The following TLN2 variants were observed in gnomAD, a reference collection of about 807,000 sequenced individuals.
TLN2 encodes talin 2.
TLN2 carries 118 observed loss-of-function variants against 294.7 expected under a neutral mutation model. The observed-to-expected ratio is 0.40, with a 90% CI of 0.34 to 0.47. The LOEUF (loss-of-function observed/expected upper bound fraction) is 0.47, where lower values mean the gene tolerates loss of function less well. Ranked by LOEUF, TLN2 falls within the 20% of genes least tolerant of loss-of-function variation. The pLI is 0.84. For missense variants in TLN2, 3,083 were observed against 3,282.2 expected (o/e 0.94, Z 1.48); for synonymous variants, 1,431 against 1,304.5 (o/e 1.10, Z -2.09).
chr15:62,780,329 G>A (rs1468051842), intron 43 of TLN2, among the ~76,000 whole-genome samples: 1 of 152,276 alleles, frequency 6.6e-6, no homozygotes, highest in South Asian at 2.1e-4. Flanking sequence ...CTTCATTATG[G>A]TCATTCTCTC....
chr15:62,402,686 C>T (rs1262663361), intron 1 of TLN2, among the ~76,000 whole-genome samples: 1 of 152,160 alleles, frequency 6.6e-6, no homozygotes, highest in East Asian at 1.9e-4. Flanking sequence ...ACTCTTGACA[C>T]TTTCAGGTCC....
intron 19 of TLN2, among the ~76,000 whole-genome samples, chr15:62,706,107 C>T (rs1020056847): frequency 6.6e-6 from 1 of 152,244 alleles, no homozygotes; most frequent in Non-Finnish European, 1.5e-5. Flanking sequence ...TCTTTATCAT[C>T]TGATGAATTA....
intron 9 of TLN2, among the ~76,000 whole-genome samples, chr15:62,661,931 A>G (rs2053888470): frequency 6.6e-6 from 1 of 152,206 alleles, no homozygotes; most frequent in Non-Finnish European, 1.5e-5. Flanking sequence ...GTGAACCTGT[A>G]TATGTGCCTA....
intron 52 of TLN2, among the ~76,000 whole-genome samples, chr15:62,812,706 T>C (rs2066788853): frequency 6.6e-6 from 1 of 152,178 alleles, no homozygotes; most frequent in African/African-American, 2.4e-5. Flanking sequence ...GCTCAAGTGC[T>C]TCCTTTCTTG....
At chr15:62,838,834 G>A (rs748094159) in intron 57 of TLN2, 22 bp from the exon 58 acceptor site, 1 of 1,607,178 alleles carries the variant, frequency 6.2e-7, no homozygotes, top group Non-Finnish European at 8.5e-7. Flanking sequence ...ATGATATAAT[G>A]TATGTTTTGT....
intron 1 of TLN2, among the ~76,000 whole-genome samples, chr15:62,471,124 G>A (rs2037449210): frequency 6.6e-6 from 1 of 152,132 alleles, no homozygotes; most frequent in African/African-American, 2.4e-5. Flanking sequence ...GCAGGAGGAT[G>A]GCTTGAGCCC....
intron 1 of TLN2, among the ~76,000 whole-genome samples, chr15:62,481,074 G>A (rs1306236118): frequency 6.6e-6 from 1 of 152,140 alleles, no homozygotes; most frequent in Non-Finnish European, 1.5e-5. Flanking sequence ...TTATTACCTT[G>A]TCTGAAATTA....
At chr15:62,517,218 C>G (rs1053872053) in intron 1 of TLN2, among the ~76,000 whole-genome samples, 1 of 152,196 alleles carries the variant, frequency 6.6e-6, no homozygotes, top group Admixed American at 6.5e-5. Context: ...TGCCTTTCAT[C>G]CTTTAGCCTC....
intron 22 of TLN2, 124 bp from the exon 23 acceptor site, chr15:62,716,207 T>A: frequency 8.5e-7 from 1 of 1,177,248 alleles, no homozygotes; most frequent in Non-Finnish European, 1.1e-6. Flanking sequence ...CATAAAGATA[T>A]TGCTTGTGGC....
At chr15:62,446,083 T>G (rs2035807921) in intron 1 of TLN2, among the ~76,000 whole-genome samples, 2 of 151,976 alleles carry the variant, frequency 1.3e-5, no homozygotes, top group African/African-American at 4.8e-5. Context: ...CTCCACTCAC[T>G]GCAAGCTCCG....
At chr15:62,410,702 C>T (rs2033722283) in intron 1 of TLN2, among the ~76,000 whole-genome samples, 1 of 152,198 alleles carries the variant, frequency 6.6e-6, no homozygotes, top group Non-Finnish European at 1.5e-5. Flanking sequence ...TTAGTCATTT[C>T]TTTCTTAGAA....
chr15:62,627,468 G>T (rs1423533101), intron 3 of TLN2, among the ~76,000 whole-genome samples: 2 of 152,200 alleles, frequency 1.3e-5, no homozygotes, highest in Middle Eastern at 3.2e-3. Flanking sequence ...CTTATATTCA[G>T]AATGGTAACA....
chr15:62,626,737 C>T (rs555931303), intron 3 of TLN2, among the ~76,000 whole-genome samples: 25 of 152,284 alleles, frequency 1.6e-4, no homozygotes, highest in African/African-American at 5.5e-4. Flanking sequence ...CAAGGACACA[C>T]AGCTCTTATT....
intron 11 of TLN2, among the ~76,000 whole-genome samples, chr15:62,679,709 T>C (rs111779470): frequency 8.7e-4 from 132 of 152,310 alleles, no homozygotes; most frequent in African/African-American, 2.8e-3. Flanking sequence ...ATAACAGTAA[T>C]ACAGAAAGGT....
intron 25 of TLN2, among the ~76,000 whole-genome samples, chr15:62,722,076 C>T (rs1195944925): frequency 2.6e-5 from 4 of 152,172 alleles, no homozygotes; most frequent in South Asian, 2.1e-4. Flanking sequence ...TCTTTGAAAT[C>T]GGTTTTAAAT....
At chr15:62,689,681 T>C (rs1350388902) in intron 12 of TLN2, among the ~76,000 whole-genome samples, 3 of 151,786 alleles carry the variant, frequency 2.0e-5, no homozygotes, top group African/African-American at 7.3e-5. Flanking sequence ...TCCTTTCTTT[T>C]AGTATCTGAA....
intron 1 of TLN2, among the ~76,000 whole-genome samples, chr15:62,476,040 A>G (rs557498657): frequency 1.4e-4 from 21 of 152,238 alleles, no homozygotes; most frequent in African/African-American, 5.1e-4. Context: ...AGGCCTGAGT[A>G]TTTCCAAGGA....
chr15:62,583,309 C>A (rs1051148264), intron 1 of TLN2, among the ~76,000 whole-genome samples: 1 of 152,062 alleles, frequency 6.6e-6, no homozygotes, highest in South Asian at 2.1e-4. Flanking sequence ...TTCCTTCCCC[C>A]AAAGGAGACC....
At chr15:62,443,212 T>G (rs912707034) in intron 1 of TLN2, among the ~76,000 whole-genome samples, 23 of 152,254 alleles carry the variant, frequency 1.5e-4, no homozygotes, top group Non-Finnish European at 4.4e-5. Context: ...TTCAGACTAC[T>G]GTAGTTATAA....
Sources: gnomAD v4.1 joint callset for allele counts (sites outside exome capture counted in the v4.1 genomes callset) on GRCh38, gnomAD v4.1.1 for gene constraint, MANE v1.5 for transcripts, NCBI Gene and HGNC (gene_info 2026-07-23, HGNC 2026-07-21) for gene names.